CAP2: variants seen among roughly 807,000 people sequenced by gnomAD.
The protein encoded by CAP2 is adenylyl cyclase-associated protein 2.
Under a neutral mutation model 57.7 loss-of-function variants are expected in CAP2, and 24 were observed. The ratio of observed to expected loss-of-function variants is 0.42; its 90% CI spans 0.30 to 0.58. CAP2 has a LOEUF of 0.58. Ranked by LOEUF, CAP2 falls within the 20% of genes least tolerant of loss-of-function variation. The pLI, the probability that CAP2 is intolerant of heterozygous loss-of-function variation, is 0.22. For missense variants in CAP2, 501 were observed against 590.3 expected, an observed-to-expected ratio of 0.85 and a Z score of 1.57; for synonymous variants, 194 against 207.2, an observed-to-expected ratio of 0.94 and a Z score of 0.55.
At chr6:17,418,043 G>A (rs1380333515) in intron 1 of CAP2, among the ~76,000 whole-genome samples, 2 of 152,148 alleles carry the variant, frequency 1.3e-5, no homozygotes, top group African/African-American at 2.4e-5. Context: ...ATGCTAAGGC[G>A]GATGGGACTG....
At chr6:17,464,163 G>A (rs1465997471) in intron 4 of CAP2, among the ~76,000 whole-genome samples, 2 of 152,114 alleles carry the variant, frequency 1.3e-5, no homozygotes, top group Non-Finnish European at 2.9e-5. Flanking sequence ...TGCTGATTGT[G>A]TCACGAATGA....
chr6:17,494,427 T>G (rs1761615224), intron 4 of CAP2, among the ~76,000 whole-genome samples: 1 of 152,154 alleles, frequency 6.6e-6, no homozygotes, highest in Non-Finnish European at 1.5e-5. Context: ...ATCTTTGTAG[T>G]GGCCGTTTCC....
chr6:17,409,572 T>C (rs1759085379), intron 1 of CAP2, among the ~76,000 whole-genome samples: 1 of 152,158 alleles, frequency 6.6e-6, no homozygotes, highest in South Asian at 2.1e-4. Flanking sequence ...GTTCACTTCA[T>C]GGTCTCCTTT....
intron 7 of CAP2, among the ~76,000 whole-genome samples, chr6:17,524,038 T>C (rs1399125919): frequency 1.4e-5 from 2 of 141,280 alleles, no homozygotes; most frequent in Non-Finnish European, 3.0e-5. Flanking sequence ...ATCGCGCCAC[T>C]GCACTCCAGC....
intron 3 of CAP2, among the ~76,000 whole-genome samples, chr6:17,429,377 T>C (rs916625481): frequency 9.2e-5 from 14 of 151,660 alleles, no homozygotes; most frequent in Non-Finnish European, 1.6e-4. Flanking sequence ...TATAACTCAT[T>C]AGGAGTATCT....
intron 3 of CAP2, among the ~76,000 whole-genome samples, chr6:17,451,324 A>G (rs1369672748): frequency 6.6e-6 from 1 of 152,070 alleles, no homozygotes; most frequent in Non-Finnish European, 1.5e-5. Context: ...CAAATGGGAA[A>G]ACTTACCTTT....
chr6:17,538,264 A>G (rs1014415359), intron 7 of CAP2, among the ~76,000 whole-genome samples: 1 of 151,936 alleles, frequency 6.6e-6, no homozygotes, highest in Non-Finnish European at 1.5e-5. Context: ...AGCCTGGGCA[A>G]CATAGTGAGA....
At chr6:17,426,735 C>A (rs748918414) in intron 3 of CAP2, 45 bp downstream of exon 3, 2 of 1,288,208 alleles carry the variant, frequency 1.6e-6, no homozygotes, top group South Asian at 1.2e-5. Flanking sequence ...TTTAAACTTA[C>A]CAGCCCAGCC....
intron 7 of CAP2, among the ~76,000 whole-genome samples, chr6:17,522,554 G>A (rs1762416927): frequency 6.6e-6 from 1 of 152,206 alleles, no homozygotes; most frequent in African/African-American, 2.4e-5. Context: ...TTGACGGTGA[G>A]CAGGAGTTCC....
chr6:17,547,500 C>G (rs1763072086), intron 11 of CAP2, among the ~76,000 whole-genome samples: 1 of 152,078 alleles, frequency 6.6e-6, no homozygotes, highest in Non-Finnish European at 1.5e-5. Flanking sequence ...AAGTCAGAAA[C>G]AAGAAGAGAA....
chr6:17,465,515 CT>C (rs1296248123), intron 4 of CAP2, among the ~76,000 whole-genome samples: 1 of 152,186 alleles, frequency 6.6e-6, no homozygotes, highest in Non-Finnish European at 1.5e-5. Context: ...CTTCCTGGCC[CT>C]TCTCTCTACT....
At chr6:17,443,860 T>C (rs1760165098) in intron 3 of CAP2, among the ~76,000 whole-genome samples, 1 of 152,178 alleles carries the variant, frequency 6.6e-6, no homozygotes, top group African/African-American at 2.4e-5. Context: ...TGCCAGATTT[T>C]ACATACACAC....
intron 3 of CAP2, among the ~76,000 whole-genome samples, chr6:17,445,251 C>T (rs1321467455): frequency 4.6e-5 from 7 of 152,184 alleles, no homozygotes; most frequent in Admixed American, 3.3e-4. Context: ...AGATTACAGG[C>T]ATGTGCCACC....
chr6:17,511,238 C>G (rs1762139179), intron 6 of CAP2, among the ~76,000 whole-genome samples: 1 of 152,064 alleles, frequency 6.6e-6, no homozygotes, highest in African/African-American at 2.4e-5. Context: ...TACTCCACAC[C>G]ATGCAACACC....
intron 1 of CAP2, among the ~76,000 whole-genome samples, chr6:17,397,240 A>T (rs1758689179): frequency 6.6e-6 from 1 of 151,904 alleles, no homozygotes; most frequent in South Asian, 2.1e-4. Flanking sequence ...TTGCATTTTT[A>T]GTAGAGAAGG....
chr6:17,407,175 A>C (rs184823775), intron 1 of CAP2, among the ~76,000 whole-genome samples: 2 of 152,004 alleles, frequency 1.3e-5, no homozygotes, highest in East Asian at 3.9e-4. Flanking sequence ...TTTCTTCCAC[A>C]CCATTCTTTT....
intron 3 of CAP2, among the ~76,000 whole-genome samples, chr6:17,460,358 C>T (rs1483298917): frequency 1.3e-5 from 2 of 151,950 alleles, no homozygotes; most frequent in South Asian, 2.1e-4. Context: ...AACTCAGAAA[C>T]GGAGAAGTTA....
At chr6:17,466,266 T>C (rs996939957) in intron 4 of CAP2, among the ~76,000 whole-genome samples, 17 of 152,222 alleles carry the variant, frequency 1.1e-4, no homozygotes, top group Admixed American at 3.3e-4. Flanking sequence ...CAGCTCTCAG[T>C]GACATACAAC....
chr6:17,402,949 TG>T (rs1316492421), intron 1 of CAP2, among the ~76,000 whole-genome samples: 2 of 152,210 alleles, frequency 1.3e-5, no homozygotes, highest in Non-Finnish European at 2.9e-5. Context: ...TACCATGTGA[TG>T]TTGGAGTTCA....
Sources: allele counts gnomAD v4.1 joint callset (sites outside exome capture counted in the v4.1 genomes callset), GRCh38; gene constraint gnomAD v4.1.1; transcripts MANE v1.5; gene names NCBI Gene and HGNC (gene_info 2026-07-23, HGNC 2026-07-21).